The following KCTD21 variants were observed in gnomAD, a reference collection of about 807,000 sequenced individuals.
KCTD21 encodes potassium channel tetramerization domain containing 21, also known as BTB/POZ domain-containing protein KCTD21.
KCTD21 carries 9 observed loss-of-function variants against 13.2 expected under a neutral mutation model. The ratio of observed to expected loss-of-function variants is 0.68; its 90% confidence interval spans 0.41 to 1.19. The LOEUF (loss-of-function observed/expected upper bound fraction) is 1.19. Ranked by LOEUF, KCTD21 falls within the 50% of genes most tolerant of loss-of-function variation. The pLI is 0.01. For synonymous variants in KCTD21, 142 were observed against 137.4 expected (o/e 1.03, Z -0.23); for missense variants, 303 against 336.5 (o/e 0.90, Z 0.78).
chr11:78,185,977 G>C (rs1189800462), intron 1 of KCTD21, among the ~76,000 whole-genome samples: 3 of 152,100 alleles, frequency 2.0e-5, no homozygotes, highest in Non-Finnish European at 2.9e-5. Context: ...CATGAACCCA[G>C]AATCTCTGTA....
rs532778357 is a variant in KCTD21 at position 78,187,334 on chromosome 11, C to G, written c.-30+1239G>C. ...ATTCTGTCTTGCCCAGTCCATATCT[C>G]TAAGAAATCCGAAGGCTGCTCTATT... is the stretch of plus-strand genomic sequence containing the variant. On this transcript the variant is annotated intron_variant, in intron 1 of 1. Coordinates refer to ENST00000340067, the MANE Select transcript of KCTD21 (RefSeq NM_001029859.3). The G allele has an allele frequency of 3.1e-5, 31 of 985,404 alleles. No homozygotes were observed. In the African/African-American group the frequency reaches 5.4e-4, roughly 17 times the overall value. The allele number at this position is 985,404 out of a possible 1,614,324, so 61.0% of individuals were successfully genotyped here.
Position 78,171,990 on chromosome 11 carries a change from C to T in KCTD21, c.*1782G>A, listed in dbSNP as rs1350432898. On this transcript the variant is annotated 3_prime_UTR_variant, in exon 2 of 2. Coordinates refer to ENST00000340067, the MANE Select transcript of KCTD21 (RefSeq NM_001029859.3). ...CAAGGGAACTGGCGCTGCCCATGGC[C>T]CAGTGTACAAGCTCCCTACTCACAG... The T allele has an allele frequency of 1.3e-5, 2 of 152,256 alleles. No individual in the cohort carries two copies. The highest frequency in any genetic ancestry group is 4.8e-5 in the African/African-American group (2 of 41,472). The allele number at this position is 152,256 out of a possible 1,614,324, so 9.4% of individuals were successfully genotyped here. A position where few individuals can be genotyped will look rare whatever the true frequency, so the allele number is the denominator to read the frequency against.
At chr11:78,177,117 G>A (rs1212619053) in intron 1 of KCTD21, 1 of 152,320 alleles carries the variant, frequency 6.6e-6, no homozygotes, top group Non-Finnish European at 1.5e-5. Flanking sequence ...GGGGTGGCGA[G>A]AACTTCTCAA....
At chr11:78,185,334 GGAA>G (rs1862736933) in intron 1 of KCTD21, among the ~76,000 whole-genome samples, 1 of 152,044 alleles carries the variant, frequency 6.6e-6, no homozygotes, top group Non-Finnish European at 1.5e-5. Flanking sequence ...AAAAGAGGGG[GGAA>G]GAACACTTCT....
intron 1 of KCTD21, among the ~76,000 whole-genome samples, chr11:78,180,026 C>G (rs1862570374): frequency 6.6e-6 from 1 of 152,170 alleles, no homozygotes; most frequent in African/African-American, 2.4e-5. Flanking sequence ...AAAAAAGAAC[C>G]TTGGTCCATC....
rs1202433005 is a variant in KCTD21, at chr11:78,174,373, T to C, written c.182A>G (p.Asn61Ser). 3 of 1,613,974 alleles carry C rather than the reference T, an allele frequency of 1.9e-6. No homozygotes were observed. The highest frequency in any genetic ancestry group is 4.5e-5 in the East Asian group (2 of 44,842). Reference sequence around the variant, plus strand: ...GTCAAGGTGGGAGGTCCGCAGGAAGTTGAGGATATAGCGGAACACTTTGCC... The same window carrying C: ...GTCAAGGTGGGAGGTCCGCAGGAAGCTGAGGATATAGCGGAACACTTTGCC... ...RDGKVFRYILNFLRTSHLDLP... is the reference protein window; with the variant it reads ...RDGKVFRYILSFLRTSHLDLP... Residue 61 changes from asparagine (N) to serine (S), a missense_variant, in exon 2 of 2, where the codon AAC (asparagine) becomes AGC (serine). Asn to Ser is a conservative substitution (Grantham distance 46). Coordinates refer to ENST00000340067, the MANE Select transcript of KCTD21 (RefSeq NM_001029859.3).
chr11:78,179,965 C>T (rs61881807), intron 1 of KCTD21, among the ~76,000 whole-genome samples: 20 of 152,160 alleles, frequency 1.3e-4, no homozygotes, highest in Non-Finnish European at 2.2e-4. Flanking sequence ...TGCACATGGC[C>T]CTCTTCCCTG....
At chr11:78,179,634 A>G (rs1453677508) in intron 1 of KCTD21, among the ~76,000 whole-genome samples, 1 of 151,872 alleles carries the variant, frequency 6.6e-6, no homozygotes, top group Non-Finnish European at 1.5e-5. Flanking sequence ...CTGCAGACTG[A>G]CCTTCCTGAA....
chr11:78,185,640 G>T (rs533527357), intron 1 of KCTD21, among the ~76,000 whole-genome samples: 5 of 151,744 alleles, frequency 3.3e-5, no homozygotes, highest in African/African-American at 1.2e-4. Flanking sequence ...CACCCAGTTT[G>T]GAGTGCAGTG....
chr11:78,179,505 T>C (rs1862554655), intron 1 of KCTD21, among the ~76,000 whole-genome samples: 1 of 152,104 alleles, frequency 6.6e-6, no homozygotes, highest in South Asian at 2.1e-4. Flanking sequence ...ACAGTTTGTC[T>C]TGACTATCTC....
At chr11:78,184,749 T>C (rs1381831716) in intron 1 of KCTD21, among the ~76,000 whole-genome samples, 1 of 134,526 alleles carries the variant, frequency 7.4e-6, no homozygotes, top group Non-Finnish European at 1.6e-5. Context: ...TTTTGGGCAA[T>C]TAGAATTTTT....
At chr11:78,183,762 A>T (rs1862695568) in intron 1 of KCTD21, among the ~76,000 whole-genome samples, 1 of 150,588 alleles carries the variant, frequency 6.6e-6, no homozygotes, top group African/African-American at 2.4e-5. Context: ...CAGCCTCCCG[A>T]GTAGCTGAGA....
chr11:78,174,891 G>A (rs929772614), intron 1 of KCTD21: 4 of 232,364 alleles, frequency 1.7e-5, no homozygotes, highest in African/African-American at 9.0e-5. Flanking sequence ...TACTGCCCCA[G>A]CCCTGGTATT....
chr11:78,186,726 G>C (rs1862785861), intron 1 of KCTD21: 1 of 985,366 alleles, frequency 1.0e-6, no homozygotes, highest in South Asian at 4.7e-5. Context: ...CTGCAATTTG[G>C]CATCTGCCAT....
At chr11:78,182,728 G>A (rs1341914297) in intron 1 of KCTD21, among the ~76,000 whole-genome samples, 1 of 152,140 alleles carries the variant, frequency 6.6e-6, no homozygotes, top group Non-Finnish European at 1.5e-5. Context: ...TGGCCTCTGG[G>A]AAGTTCTGGT....
rs1330631137 is a variant in KCTD21, at chr11:78,175,694, C to G, written c.-29-1111G>C. 2.0e-5 allele frequency among the ~76,000 whole-genome samples: 3 copies of G among 152,172 alleles called. No individual in the cohort carries two copies. The East Asian group carries it at 5.8e-4, about 29-fold the overall frequency. On this transcript the variant is annotated intron_variant, in intron 1 of 1. Transcript: ENST00000340067. Reference sequence around the variant, plus strand: ...TCAAGGCCCACAGTGGGTCACTCAGCTGTCCGGACTGCAAATGACAATCCT... The same window carrying G: ...TCAAGGCCCACAGTGGGTCACTCAGGTGTCCGGACTGCAAATGACAATCCT...
Position 78,183,644 on chromosome 11 carries a change from T to C in KCTD21, c.-30+4929A>G, listed in dbSNP as rs1335381521. On this transcript the variant is annotated intron_variant, in intron 1 of 1. Transcript: ENST00000340067. ...AGAGACAGGAAAAATTAATTCTTTT[T>C]TTTTTTTTTTGAGACGGAGTCTCAC... Among the ~76,000 whole-genome samples the C allele has an allele frequency of 2.0e-5, 3 of 151,652 alleles. No individual in the cohort carries two copies. The East Asian group carries it at 5.8e-4, about 29-fold the overall frequency.
chr11:78,182,775 T>C (rs573443400), intron 1 of KCTD21, among the ~76,000 whole-genome samples: 1 of 152,316 alleles, frequency 6.6e-6, no homozygotes, highest in Non-Finnish European at 1.5e-5. Context: ...TTTAGACGTC[T>C]TCGGCAGGAA....
chr11:78,176,640 A>G (rs933614302), intron 1 of KCTD21, among the ~76,000 whole-genome samples: 26 of 152,348 alleles, frequency 1.7e-4, no homozygotes, highest in African/African-American at 5.3e-4. Flanking sequence ...GAGTAAAGGC[A>G]CAGTGACAAG....
Sources: allele counts gnomAD v4.1 joint callset (sites outside exome capture counted in the v4.1 genomes callset), GRCh38; gene constraint gnomAD v4.1.1; transcripts MANE v1.5; gene names NCBI Gene and HGNC (gene_info 2026-07-23, HGNC 2026-07-21).